Variants in KLF13 observed in about 807,000 individuals in gnomAD.
KLF13 encodes the protein KLF transcription factor 13, also known as Krueppel-like factor 13.
Under a neutral mutation model 16.7 loss-of-function variants are expected in KLF13, and 8 were observed. That is an observed-to-expected ratio of 0.48 (90% CI 0.28 to 0.87). The LOEUF is 0.87. KLF13 is among the 40% of genes least tolerant of loss of function. The pLI is 0.10. For synonymous variants in KLF13, 245 were observed against 208.4 expected, an observed-to-expected ratio of 1.18 and a Z score of -1.51; for missense variants, 447 against 452.2, an observed-to-expected ratio of 0.99 and a Z score of 0.10.
chr15:31,384,740 T>C (rs1335687336), intron 1 of KLF13, among the ~76,000 whole-genome samples: 1 of 152,188 alleles, frequency 6.6e-6, no homozygotes, highest in Non-Finnish European at 1.5e-5. Context: ...GCCCAAAGGC[T>C]GTCCACACGT....
At chr15:31,362,708 T>A (rs1384210247) in intron 1 of KLF13, among the ~76,000 whole-genome samples, 1 of 152,236 alleles carries the variant, frequency 6.6e-6, no homozygotes, top group Non-Finnish European at 1.5e-5. Context: ...CAACCTTCCC[T>A]GTTCTCCATC....
chr15:31,341,332 G>A (rs1172702306), intron 1 of KLF13, among the ~76,000 whole-genome samples: 1 of 152,158 alleles, frequency 6.6e-6, no homozygotes, highest in African/African-American at 2.4e-5. Context: ...GGAGGGGTGT[G>A]TGTGCGTGTG....
chr15:31,379,096 T>C (rs2140973887), downstream of KLF13, among the ~76,000 whole-genome samples: 1 of 152,242 alleles, frequency 6.6e-6, no homozygotes, highest in East Asian at 1.9e-4. Flanking sequence ...GGCATCGCAG[T>C]TGATTAGACA....
intron 1 of KLF13, among the ~76,000 whole-genome samples, chr15:31,410,792 G>A (rs2040184851): frequency 6.6e-6 from 1 of 152,166 alleles, no homozygotes; most frequent in Middle Eastern, 3.4e-3. Flanking sequence ...TCGAACTGAA[G>A]GGAAAAATGA....
chr15:31,361,346 G>T (rs2039380918), intron 1 of KLF13, among the ~76,000 whole-genome samples: 1 of 152,134 alleles, frequency 6.6e-6, no homozygotes, highest in African/African-American at 2.4e-5. Flanking sequence ...GTGTTACCTT[G>T]GTGAGGTCAC....
rs2140923806 is a variant in KLF13 at position 31,327,041 on chromosome 15, C to T, written c.-172C>T. The stretch of plus-strand genomic sequence containing the variant: ...CGGCCGGGCCGGCGCCTCGCAGACG[C>T]GGAGCCGCGCGGGTGACGGCACAGG... On this transcript the variant is annotated 5_prime_UTR_variant, in exon 1 of 2. Coordinates refer to ENST00000307145, the MANE Select transcript of KLF13 (RefSeq NM_015995.4). 8.5e-6 allele frequency: 4 copies of T among 468,290 alleles called. No individual in the cohort carries two copies. The highest frequency in any genetic ancestry group is 1.2e-5 in the Non-Finnish European group (4 of 342,920). The allele number at this position is 468,290 out of a possible 1,614,324, so 29.0% of individuals were successfully genotyped here. A position where few individuals can be genotyped will look rare whatever the true frequency, so the allele number is the denominator to read the frequency against.
In KLF13 at chr15:31,336,430, C is replaced by G. The variant is rs554618578; in HGVS notation, c.577+8641C>G. Among the ~76,000 whole-genome samples the G allele has an allele frequency of 8.5e-5, 13 of 152,254 alleles. No individual in the cohort carries two copies. The South Asian group carries it at 2.7e-3, about 32-fold the overall frequency. On this transcript the variant is annotated intron_variant, in intron 1 of 1. Transcript: ENST00000307145. ...GCTCCCTGGAGATCTAACAGGTATGCATGGGTTAGCGAGACCTGAGAGTCC... is the reference window on the plus strand; with the variant it reads ...GCTCCCTGGAGATCTAACAGGTATGGATGGGTTAGCGAGACCTGAGAGTCC...
At chr15:31,431,706 C>T (rs1370106820) in intron 1 of KLF13, among the ~76,000 whole-genome samples, 1 of 152,204 alleles carries the variant, frequency 6.6e-6, no homozygotes, top group Non-Finnish European at 1.5e-5. Flanking sequence ...CCTTGTGATC[C>T]TCCCGCCTCG....
intron 1 of KLF13, among the ~76,000 whole-genome samples, chr15:31,360,923 G>A (rs1310829545): frequency 1.3e-5 from 2 of 152,204 alleles, no homozygotes; most frequent in Admixed American, 6.5e-5. Context: ...GGCAGGTGCT[G>A]GGCCTGGAAG....
chr15:31,366,231 G>A (rs2039469762), intron 1 of KLF13: 1 of 150,908 alleles, frequency 6.6e-6, no homozygotes, highest in African/African-American at 2.5e-5. Context: ...GCATGGCTTA[G>A]CCCCTCTCCC....
intron 1 of KLF13, among the ~76,000 whole-genome samples, chr15:31,431,971 C>T (rs950857660): frequency 2.6e-4 from 39 of 151,842 alleles, no homozygotes; most frequent in African/African-American, 9.5e-4. Context: ...TGGGGAAGGG[C>T]ACGGGGATGG....
At chr15:31,412,011 T>A (rs114054390) in intron 1 of KLF13, among the ~76,000 whole-genome samples, 1 of 152,184 alleles carries the variant, frequency 6.6e-6, no homozygotes, top group Non-Finnish European at 1.5e-5. Flanking sequence ...ATGGTCTAAA[T>A]GTTAGTGTCT....
intron 1 of KLF13, among the ~76,000 whole-genome samples, chr15:31,353,905 C>T (rs2039258195): frequency 2.6e-5 from 4 of 152,214 alleles, no homozygotes; most frequent in Admixed American, 2.6e-4. Context: ...AGAAACCAGG[C>T]TGCTTCTGGG....
At chr15:31,393,567 A>G (rs1372407849) in intron 1 of KLF13, 3 of 151,978 alleles carry the variant, frequency 2.0e-5, no homozygotes, top group Non-Finnish European at 4.4e-5. Context: ...CCTACACGCC[A>G]CTCCGCAGGG....
downstream of KLF13, among the ~76,000 whole-genome samples, chr15:31,404,960 C>T (rs73368605): frequency 4.2e-3 from 640 of 152,266 alleles, 7 homozygotes; most frequent in African/African-American, 0.014. Flanking sequence ...TCCCAGGCTC[C>T]ACCCTGCCTC....
intron 1 of KLF13, among the ~76,000 whole-genome samples, chr15:31,337,500 C>T (rs1385108852): frequency 2.0e-5 from 3 of 151,954 alleles, no homozygotes; most frequent in African/African-American, 4.8e-5. Flanking sequence ...TGCTTAATGA[C>T]GGGTGCGTTC....
chr15:31,428,820 A>AAAGAAAAG (rs1555383803), intron 1 of KLF13, among the ~76,000 whole-genome samples: 3 of 72,650 alleles, frequency 4.1e-5, no homozygotes, highest in African/African-American at 6.2e-5. Context: ...AAAAAAAAAA[A>AAAGAAAAG]AAAAAGAAAA....
chr15:31,353,306 G>C (rs1158216316), intron 1 of KLF13, among the ~76,000 whole-genome samples: 1 of 152,212 alleles, frequency 6.6e-6, no homozygotes, highest in African/African-American at 2.4e-5. Context: ...CCCACGTTAA[G>C]TGCGTGGGAA....
chr15:31,408,861 G>GAA (rs2040159132), downstream of KLF13, among the ~76,000 whole-genome samples: 1 of 152,112 alleles, frequency 6.6e-6, no homozygotes, highest in South Asian at 2.1e-4. Context: ...TACTAGAAAT[G>GAA]AAAAACACAG....
Sources: gnomAD v4.1 joint callset for allele counts (sites outside exome capture counted in the v4.1 genomes callset) on GRCh38, gnomAD v4.1.1 for gene constraint, MANE v1.5 for transcripts, NCBI Gene and HGNC (gene_info 2026-07-23, HGNC 2026-07-21) for gene names.